Variants in KHDRBS2 observed in about 807,000 individuals in gnomAD.
KHDRBS2 encodes KH domain-containing, RNA-binding, signal transduction-associated protein 2.
Under a neutral mutation model 44.3 loss-of-function variants are expected in KHDRBS2, and 26 were observed. That is an observed-to-expected ratio of 0.59 (90% CI 0.43 to 0.81). The LOEUF is 0.81. Ranked by LOEUF, KHDRBS2 falls within the 40% of genes least tolerant of loss-of-function variation. The pLI, the probability that KHDRBS2 is intolerant of heterozygous loss-of-function variation, is 0.00. For missense variants in KHDRBS2, 476 were observed against 433.1 expected, an observed-to-expected ratio of 1.10 and a Z score of -0.88; for synonymous variants, 194 against 151.1, an observed-to-expected ratio of 1.28 and a Z score of -2.08.
Position 61,680,740 on chromosome 6 carries a change from C to T in KHDRBS2, c.*223G>A, listed in dbSNP as rs1276805583. On this transcript the variant is annotated 3_prime_UTR_variant, in exon 9 of 9. Coordinates refer to ENST00000281156, the MANE Select transcript of KHDRBS2 (RefSeq NM_152688.4). ...CTGAAAGGTTTATAGACTATGCTTGCTAATGTCTTTTTCAGTCTGTTTTGT... is the reference window on the plus strand; with the variant it reads ...CTGAAAGGTTTATAGACTATGCTTGTTAATGTCTTTTTCAGTCTGTTTTGT... The T allele has an allele frequency of 7.9e-6, 3 of 378,000 alleles. No homozygotes were observed. Among genetic ancestry groups the T allele is most frequent in the Admixed American group, 8.5e-5 (2 of 23,478 alleles). 23.4% of individuals were successfully genotyped at this position (378,000 alleles called of 1,614,324 possible).
intron 6 of KHDRBS2, among the ~76,000 whole-genome samples, chr6:61,856,754 A>C (rs1796214569): frequency 6.6e-6 from 1 of 151,916 alleles, no homozygotes; most frequent in African/African-American, 2.4e-5. Flanking sequence ...GTACAGGTGC[A>C]TTTTCATGCT....
chr6:62,176,657 G>C (rs1359715296), intron 2 of KHDRBS2, among the ~76,000 whole-genome samples: 1 of 151,094 alleles, frequency 6.6e-6, no homozygotes, highest in East Asian at 1.9e-4. Flanking sequence ...TGAAAAAATA[G>C]TTTAAAGAAA....
At chr6:62,015,892 C>T (rs1180137455) in intron 3 of KHDRBS2, among the ~76,000 whole-genome samples, 5 of 152,118 alleles carry the variant, frequency 3.3e-5, no homozygotes, top group Admixed American at 3.3e-4. Context: ...TGAAGATTTT[C>T]CTTCCTGCTC....
chr6:62,164,030 AT>A (rs1365356217), intron 2 of KHDRBS2, among the ~76,000 whole-genome samples: 14 of 151,594 alleles, frequency 9.2e-5, no homozygotes, highest in African/African-American at 1.2e-4. Flanking sequence ...TAAAACGTGC[AT>A]TTTTTTTCAT....
At chr6:62,091,448 G>A (rs1356399238) in intron 2 of KHDRBS2, among the ~76,000 whole-genome samples, 2 of 152,104 alleles carry the variant, frequency 1.3e-5, no homozygotes, top group Non-Finnish European at 2.9e-5. Context: ...TTAATAGAAA[G>A]CTACCAAATT....
intron 6 of KHDRBS2, among the ~76,000 whole-genome samples, chr6:61,872,171 A>G (rs1798755511): frequency 6.6e-6 from 1 of 152,212 alleles, no homozygotes; most frequent in South Asian, 2.1e-4. Context: ...TTCAATATCT[A>G]TATTTAGGAA....
chr6:62,203,997 C>T (rs780110228), intron 1 of KHDRBS2, among the ~76,000 whole-genome samples: 2 of 152,112 alleles, frequency 1.3e-5, no homozygotes, highest in Non-Finnish European at 2.9e-5. Context: ...CTGCCTTCCC[C>T]TCTGCTCCGC....
intron 3 of KHDRBS2, among the ~76,000 whole-genome samples, chr6:61,988,020 G>T (rs1352606477): frequency 6.6e-6 from 1 of 152,144 alleles, no homozygotes; most frequent in African/African-American, 2.4e-5. Flanking sequence ...TTAAAAAGTA[G>T]CCCAGGATTC....
chr6:61,973,240 A>C (rs1771810167), intron 4 of KHDRBS2, among the ~76,000 whole-genome samples: 1 of 152,128 alleles, frequency 6.6e-6, no homozygotes, highest in African/African-American at 2.4e-5. Flanking sequence ...AAACTTTATA[A>C]CTTTTTTTTA....
intron 4 of KHDRBS2, among the ~76,000 whole-genome samples, chr6:61,914,144 A>G (rs774409618): frequency 6.6e-6 from 1 of 152,114 alleles, no homozygotes; most frequent in Admixed American, 6.6e-5. Context: ...TAAGCAATAC[A>G]TGCATTAGGC....
chr6:61,888,532 A>C (rs1304818107), intron 6 of KHDRBS2, among the ~76,000 whole-genome samples: 1 of 151,386 alleles, frequency 6.6e-6, no homozygotes, highest in Non-Finnish European at 1.5e-5. Flanking sequence ...ATGAGATAGG[A>C]AGAGAGATTC....
intron 3 of KHDRBS2, among the ~76,000 whole-genome samples, chr6:62,040,514 T>G (rs1202813028): frequency 3.3e-5 from 5 of 152,174 alleles, no homozygotes; most frequent in Admixed American, 6.5e-5. Flanking sequence ...CAGGATTTTT[T>G]GGGCCATAGA....
intron 7 of KHDRBS2, among the ~76,000 whole-genome samples, chr6:61,717,763 A>C (rs1771688673): frequency 6.6e-6 from 1 of 152,134 alleles, no homozygotes. Context: ...AAAAACAGTA[A>C]ATAATTTCTT....
intron 2 of KHDRBS2, among the ~76,000 whole-genome samples, chr6:62,111,055 A>T (rs1173555730): frequency 6.6e-6 from 1 of 152,094 alleles, no homozygotes; most frequent in Non-Finnish European, 1.5e-5. Context: ...ATCTAGGGAA[A>T]CTGCTTATAA....
At chr6:61,967,428 C>T (rs1447766296) in intron 4 of KHDRBS2, among the ~76,000 whole-genome samples, 1 of 151,462 alleles carries the variant, frequency 6.6e-6, no homozygotes, top group Non-Finnish European at 1.5e-5. Context: ...GATAGATAGA[C>T]AGATGGATAG....
chr6:61,957,025 C>A (rs866508807), intron 4 of KHDRBS2, among the ~76,000 whole-genome samples: 47 of 152,202 alleles, frequency 3.1e-4, no homozygotes, highest in South Asian at 4.1e-4. Flanking sequence ...ATTTCATGAA[C>A]ATTTATTAGT....
At chr6:62,111,388 A>T (rs1402588654) in intron 2 of KHDRBS2, among the ~76,000 whole-genome samples, 11 of 152,138 alleles carry the variant, frequency 7.2e-5, no homozygotes, top group Admixed American at 7.2e-4. Context: ...GTATTTTTGA[A>T]TACCTATTCT....
At chr6:61,956,568 A>G (rs1413519767) in intron 4 of KHDRBS2, among the ~76,000 whole-genome samples, 5 of 152,108 alleles carry the variant, frequency 3.3e-5, no homozygotes, top group Non-Finnish European at 5.9e-5. Flanking sequence ...ATCACAGAAC[A>G]CCACCAATCT....
chr6:61,613,844 A>C, the KHDRBS2 span, among the ~76,000 whole-genome samples: 1 of 152,274 alleles, frequency 6.6e-6, no homozygotes, highest in African/African-American at 2.4e-5. Context: ...AAATAAATAA[A>C]CAACCAACAG....
Sources: allele counts gnomAD v4.1 joint callset (sites outside exome capture counted in the v4.1 genomes callset), GRCh38; gene constraint gnomAD v4.1.1; transcripts MANE v1.5; gene names NCBI Gene and HGNC (gene_info 2026-07-23, HGNC 2026-07-21).